The following ASB4 variants were observed in gnomAD, a reference collection of about 807,000 sequenced individuals.
The protein encoded by ASB4 is ankyrin repeat and SOCS box protein 4.
A neutral mutation model predicts 38.6 loss-of-function variants in ASB4; 35 were observed. The ratio of observed to expected loss-of-function variants is 0.91; its 90% CI spans 0.69 to 1.20. The LOEUF is 1.20. Among genes scored for constraint, ASB4 ranks in the 50% most tolerant of loss-of-function variants. The pLI, the probability that ASB4 is intolerant of heterozygous loss-of-function variation, is 0.00. For missense variants in ASB4, 557 were observed against 527.2 expected, an observed-to-expected ratio of 1.06 and a Z score of -0.55; for synonymous variants, 195 against 201.3, an observed-to-expected ratio of 0.97 and a Z score of 0.26.
chr7:95,513,871 A>C (rs935179663), intron 2 of ASB4, among the ~76,000 whole-genome samples: 3 of 152,142 alleles, frequency 2.0e-5, no homozygotes, highest in African/African-American at 7.2e-5. Context: ...TTTCCTTTTG[A>C]GGAATTGGTC....
At chr7:95,489,277 A>C (rs937204660) in intron 1 of ASB4, among the ~76,000 whole-genome samples, 40 of 152,326 alleles carry the variant, frequency 2.6e-4, no homozygotes, top group African/African-American at 8.2e-4. Flanking sequence ...AGACAGAATA[A>C]AGCTATTGGA....
At chr7:95,499,441 G>A (rs10248407) in intron 2 of ASB4, among the ~76,000 whole-genome samples, 103,343 of 152,126 alleles carry the variant, frequency 0.68, 35,702 homozygotes, top group East Asian at 0.94. Flanking sequence ...GAAAGAGGTA[G>A]TAGGTTCCAG....
intron 4 of ASB4, among the ~76,000 whole-genome samples, chr7:95,537,156 C>A (rs1055883198): frequency 2.6e-4 from 40 of 152,136 alleles, no homozygotes; most frequent in African/African-American, 9.4e-4. Flanking sequence ...AGGTCTGTGG[C>A]TTAGGTGTAA....
chr7:95,526,622 A>T (rs1052964491), intron 2 of ASB4, among the ~76,000 whole-genome samples: 2 of 152,100 alleles, frequency 1.3e-5, no homozygotes, highest in African/African-American at 4.8e-5. Flanking sequence ...TCATCCATAA[A>T]ATTAGGATTA....
chr7:95,492,502 T>A (rs1790186583), intron 1 of ASB4, among the ~76,000 whole-genome samples: 1 of 152,202 alleles, frequency 6.6e-6, no homozygotes, highest in Admixed American at 6.5e-5. Flanking sequence ...GGCAGGCAAC[T>A]CATGGCTCTA....
chr7:95,548,606 T>A, the ASB4 span, among the ~76,000 whole-genome samples: 1 of 152,226 alleles, frequency 6.6e-6, no homozygotes, highest in Admixed American at 6.5e-5. Flanking sequence ...GTGCCATCCC[T>A]ATTTTGACTA....
At chr7:95,481,953 A>G (rs1314216872), upstream of ASB4, among the ~76,000 whole-genome samples, 2 of 152,324 alleles carry the variant, frequency 1.3e-5, no homozygotes, top group Non-Finnish European at 2.9e-5. Flanking sequence ...ACAGTGTGAA[A>G]CATGACCACT....
chr7:95,526,203 CAAT>C (rs1467928049), intron 2 of ASB4, among the ~76,000 whole-genome samples: 1 of 152,154 alleles, frequency 6.6e-6, no homozygotes, highest in African/African-American at 2.4e-5. Context: ...CTTGGTTCAA[CAAT>C]GAGGAAGGGG....
At chr7:95,507,576 A>C (rs1299309724) in intron 2 of ASB4, among the ~76,000 whole-genome samples, 1 of 152,104 alleles carries the variant, frequency 6.6e-6, no homozygotes, top group Non-Finnish European at 1.5e-5. Context: ...TGCCTCCCTC[A>C]CTAAACCATA....
intron 2 of ASB4, among the ~76,000 whole-genome samples, chr7:95,501,795 A>G (rs1245224343): frequency 6.6e-6 from 1 of 152,158 alleles, no homozygotes; most frequent in Non-Finnish European, 1.5e-5. Context: ...AGAGATGAGA[A>G]GGAAGAAAGA....
At chr7:95,527,062 T>C (rs1192277056) in intron 2 of ASB4, among the ~76,000 whole-genome samples, 1 of 152,206 alleles carries the variant, frequency 6.6e-6, no homozygotes, top group Non-Finnish European at 1.5e-5. Flanking sequence ...AAATAAAACA[T>C]TTTGCAGTCT....
chr7:95,545,868 A>G, the ASB4 span, among the ~76,000 whole-genome samples: 2 of 152,244 alleles, frequency 1.3e-5, no homozygotes, highest in African/African-American at 2.4e-5. Context: ...AGAGAAGCCT[A>G]ATCATGCCAT....
intron 2 of ASB4, among the ~76,000 whole-genome samples, chr7:95,507,146 G>GT (rs1436420778): frequency 1.3e-5 from 2 of 151,850 alleles, no homozygotes; most frequent in Non-Finnish European, 2.9e-5. Flanking sequence ...TTGTTTGTTT[G>GT]TTTGTTTTTT....
downstream of ASB4, chr7:95,543,322 C>G (rs908782849): frequency 6.6e-6 from 1 of 152,240 alleles, no homozygotes; most frequent in Non-Finnish European, 1.5e-5. Context: ...ATGGGAAGAT[C>G]GGCAGAAGAT....
Position 95,528,270 on chromosome 7 carries a change from G to C in ASB4, c.945G>C (p.Gly315=), listed in dbSNP as rs751814217. 4.3e-6 allele frequency: 7 copies of C among 1,614,046 alleles called. No individual in the cohort carries two copies. The South Asian group carries it at 7.7e-5, about 18-fold the overall frequency. The change falls in exon 3 of 5, where the codon GGG becomes GGC. Residue 315 remains glycine, a synonymous_variant. Transcript: ENST00000325885. ...EICYQLLLNH[G]AARIYPPQFH... ...GCTACCAGCTCCTGTTGAACCATGG[G>C]GCTGCCCGAATATACCCTCCACAGT...
intron 2 of ASB4, among the ~76,000 whole-genome samples, chr7:95,511,257 G>A (rs1181788082): frequency 6.6e-6 from 1 of 151,982 alleles, no homozygotes; most frequent in African/African-American, 2.4e-5. Context: ...CGCCCCTACC[G>A]AGAGCCACCA....
upstream of ASB4, among the ~76,000 whole-genome samples, chr7:95,482,896 T>G (rs1025657929): frequency 1.9e-4 from 29 of 152,274 alleles, no homozygotes; most frequent in African/African-American, 6.3e-4. Flanking sequence ...CAACCAGATA[T>G]GCCTGAGGAA....
intron 3 of ASB4, among the ~76,000 whole-genome samples, chr7:95,534,928 G>A (rs1036742889): frequency 1.3e-5 from 2 of 152,076 alleles, no homozygotes; most frequent in Non-Finnish European, 2.9e-5. Context: ...TCAATCCCAA[G>A]CTCTTCAGGC....
chr7:95,515,341 CTTTCTTTCTT>C (rs1483352973), intron 2 of ASB4, among the ~76,000 whole-genome samples: 1 of 128,308 alleles, frequency 7.8e-6, no homozygotes, highest in Non-Finnish European at 1.7e-5. Flanking sequence ...TCCTTTCTTT[CTTTCTTTCTT>C]TTTCTTTCTT....
Sources: gnomAD v4.1 joint callset for allele counts (sites outside exome capture counted in the v4.1 genomes callset) on GRCh38, gnomAD v4.1.1 for gene constraint, MANE v1.5 for transcripts, NCBI Gene and HGNC (gene_info 2026-07-23, HGNC 2026-07-21) for gene names.